FBXW7: variants seen among roughly 807,000 people sequenced by gnomAD.
FBXW7 encodes the protein F-box and WD repeat domain containing 7, also known as F-box/WD repeat-containing protein 7.
In FBXW7, 11 loss-of-function variants were observed where a neutral mutation model predicts 86.3. That is an observed-to-expected ratio of 0.13 (90% CI 0.08 to 0.21). The LOEUF (loss-of-function observed/expected upper bound fraction) is 0.21, where lower values mean the gene tolerates loss of function less well. Among genes scored for constraint, FBXW7 ranks in the 10% least tolerant of loss-of-function variants. The pLI is 1.00. For synonymous variants in FBXW7, 313 were observed against 297.9 expected, an observed-to-expected ratio of 1.05 and a Z score of -0.52; for missense variants, 488 against 847.4, an observed-to-expected ratio of 0.58 and a Z score of 5.27.
At position 152,410,844 on chromosome 4, in the gene FBXW7, A is replaced by G. The variant is rs527914729; in HGVS notation, c.501+459T>C. Reference sequence around the variant, plus strand: ...AATATTCATTATTTCTAATTCTCAAATGATAAATAACTAGAACTAATTTGA... The same window carrying G: ...AATATTCATTATTTCTAATTCTCAAGTGATAAATAACTAGAACTAATTTGA... On this transcript the variant is annotated intron_variant, in intron 4 of 13. Coordinates refer to ENST00000281708, the MANE Select transcript of FBXW7 (RefSeq NM_001349798.2). Among the ~76,000 whole-genome samples, 12 of 152,314 alleles carry G rather than the reference A, an allele frequency of 7.9e-5. No homozygotes were observed. The South Asian group carries it at 2.5e-3, about 32-fold the overall frequency.
At chr4:152,396,260 T>C (rs928963184) in intron 4 of FBXW7, among the ~76,000 whole-genome samples, 6 of 151,994 alleles carry the variant, frequency 3.9e-5, no homozygotes, top group Non-Finnish European at 8.8e-5. Flanking sequence ...TTACCCTTTA[T>C]AAAATAATAC....
intron 4 of FBXW7, among the ~76,000 whole-genome samples, chr4:152,391,285 T>C (rs1284089001): frequency 6.6e-6 from 1 of 152,114 alleles, no homozygotes; most frequent in Non-Finnish European, 1.5e-5. Context: ...GGCTGACAGT[T>C]GATACCACTG....
chr4:152,531,436 A>G (rs1407664811), intron 2 of FBXW7, among the ~76,000 whole-genome samples: 2 of 152,216 alleles, frequency 1.3e-5, no homozygotes, highest in Non-Finnish European at 2.9e-5. Context: ...CAACTAAGGA[A>G]CACAAAAAAG....
rs573421671 is a variant in FBXW7, at chr4:152,469,527, T to C, written c.-119-56998A>G. Among the ~76,000 whole-genome samples the C allele has an allele frequency of 2.0e-4, 31 of 152,262 alleles. No individual in the cohort carries two copies. The South Asian group carries it at 5.6e-3, about 27-fold the overall frequency. On this transcript the variant is annotated intron_variant, in intron 2 of 13. Coordinates refer to ENST00000281708, the MANE Select transcript of FBXW7 (RefSeq NM_001349798.2). The stretch of plus-strand genomic sequence containing the variant: ...GACCCTGACCACAGTATTTGGTTCA[T>C]GTTGGCATGTTGCAGCAAACAGGAC...
intron 2 of FBXW7, among the ~76,000 whole-genome samples, chr4:152,421,209 C>T (rs913886264): frequency 1.3e-5 from 2 of 152,186 alleles, no homozygotes; most frequent in African/African-American, 4.8e-5. Flanking sequence ...AACTTTTCTT[C>T]TGAAGCTTCC....
At chr4:152,377,058 T>A (rs1294632573) in intron 4 of FBXW7, among the ~76,000 whole-genome samples, 1 of 152,174 alleles carries the variant, frequency 6.6e-6, no homozygotes, top group Non-Finnish European at 1.5e-5. Flanking sequence ...AGAAACAATG[T>A]CAACAGCAAT....
intron 4 of FBXW7, among the ~76,000 whole-genome samples, chr4:152,402,033 A>G (rs1017253461): frequency 1.3e-5 from 2 of 152,214 alleles, no homozygotes; most frequent in Non-Finnish European, 2.9e-5. Flanking sequence ...TGTAGAAATA[A>G]TTCATGTTAA....
chr4:152,359,955 G>T (rs1262534104), intron 4 of FBXW7, among the ~76,000 whole-genome samples: 3 of 152,096 alleles, frequency 2.0e-5, no homozygotes, highest in African/African-American at 7.2e-5. Flanking sequence ...GAGGGAAGAA[G>T]GAAATTACCA....
At chr4:152,350,939 T>C (rs543764093) in intron 4 of FBXW7, among the ~76,000 whole-genome samples, 1 of 152,122 alleles carries the variant, frequency 6.6e-6, no homozygotes, top group South Asian at 2.1e-4. Flanking sequence ...TTCAGAATTG[T>C]TTCTTGTCAA....
chr4:152,524,341 G>C (rs1033261598), intron 2 of FBXW7, among the ~76,000 whole-genome samples: 1 of 152,066 alleles, frequency 6.6e-6, no homozygotes, highest in South Asian at 2.1e-4. Context: ...CAAAGCTAGC[G>C]AAATAGAGTC....
At chr4:152,384,114 T>C (rs965511271) in intron 4 of FBXW7, among the ~76,000 whole-genome samples, 3 of 152,086 alleles carry the variant, frequency 2.0e-5, no homozygotes, top group African/African-American at 4.8e-5. Context: ...CTGTAGAAAA[T>C]AGTATGGCAG....
chr4:152,352,250 C>A (rs1578963347), intron 4 of FBXW7, among the ~76,000 whole-genome samples: 1 of 152,120 alleles, frequency 6.6e-6, no homozygotes, highest in Admixed American at 6.6e-5. Flanking sequence ...GTGAAAAATT[C>A]TCAGATTAAA....
At position 152,326,222 on chromosome 4, in the gene FBXW7, G is replaced by A. The variant is rs138346992; in HGVS notation, c.1428C>T (p.Ser476=). The A allele has an allele frequency of 9.4e-5, 151 of 1,611,774 alleles. No individual in the cohort carries two copies. The highest frequency in any genetic ancestry group is 1.2e-4 in the Non-Finnish European group (137 of 1,178,884). The change falls in exon 12 of 14, where the codon AGC becomes AGT. Residue 476 remains serine, a synonymous_variant. Coordinates refer to ENST00000281708, the MANE Select transcript of FBXW7 (RefSeq NM_001349798.2). ...CCCTAAGAGTGGCATCTCGAGAACC[G>A]CTAACAACTCTGCAGAGGGAGAAAC... is the stretch of plus-strand genomic sequence containing the variant. The part of the protein sequence containing the change: ...CMHLHEKRVV[S]GSRDATLRVW...
intron 4 of FBXW7, among the ~76,000 whole-genome samples, chr4:152,356,544 C>G (rs1197641811): frequency 6.6e-6 from 1 of 152,174 alleles, no homozygotes; most frequent in Non-Finnish European, 1.5e-5. Context: ...GACTAGGAAA[C>G]CACCACAGTT....
chr4:152,324,503 AG>A (rs890405566), intron 12 of FBXW7, 109 bp from the exon 13 acceptor site: 2 of 858,906 alleles, frequency 2.3e-6, no homozygotes, highest in Non-Finnish European at 3.6e-6. Context: ...AGGTAATGCC[AG>A]GAACAAAATG....
chr4:152,394,684 T>C (rs557068089), intron 4 of FBXW7, among the ~76,000 whole-genome samples: 8 of 152,190 alleles, frequency 5.3e-5, no homozygotes, highest in Middle Eastern at 3.4e-3. Flanking sequence ...ATAATTAACC[T>C]TATAATATAC....
At chr4:152,421,524 CCT>C (rs1389524567) in intron 2 of FBXW7, among the ~76,000 whole-genome samples, 1 of 152,002 alleles carries the variant, frequency 6.6e-6, no homozygotes, top group Non-Finnish European at 1.5e-5. Context: ...ATAGCGAGAC[CCT>C]GTCTCTACTT....
chr4:152,486,894 T>C (rs1205840308), intron 2 of FBXW7, among the ~76,000 whole-genome samples: 1 of 152,114 alleles, frequency 6.6e-6, no homozygotes, highest in Non-Finnish European at 1.5e-5. Context: ...ACATGTAATA[T>C]GTTGGTTGTG....
At chr4:152,334,790 C>T (rs1729906930) in intron 7 of FBXW7, among the ~76,000 whole-genome samples, 1 of 152,202 alleles carries the variant, frequency 6.6e-6, no homozygotes, top group Admixed American at 6.5e-5. Context: ...TACTGGCACA[C>T]TTTCCTTAAA....
Sources: gnomAD v4.1 joint callset for allele counts (sites outside exome capture counted in the v4.1 genomes callset) on GRCh38, gnomAD v4.1.1 for gene constraint, MANE v1.5 for transcripts, NCBI Gene and HGNC (gene_info 2026-07-23, HGNC 2026-07-21) for gene names.